Variants in TSN observed in about 807,000 individuals in gnomAD.
The protein encoded by TSN is translin.
TSN carries 5 observed loss-of-function variants against 29.4 expected under a neutral mutation model. The observed-to-expected ratio is 0.17, with a 90% CI of 0.09 to 0.36. The LOEUF (loss-of-function observed/expected upper bound fraction) is 0.36. Among genes scored for constraint, TSN ranks in the 10% least tolerant of loss-of-function variants. The probability of loss-of-function intolerance (pLI) is 1.00; values close to 1 mark genes in which losing one functional copy is unlikely to be tolerated. For missense variants in TSN, 159 were observed against 272.8 expected (o/e 0.58, Z 2.94); for synonymous variants, 106 against 102.2 (o/e 1.04, Z -0.23).
chr2:121,760,860 C>CT (rs1330094411), intron 3 of TSN, among the ~76,000 whole-genome samples: 1 of 144,830 alleles, frequency 6.9e-6, no homozygotes, highest in Non-Finnish European at 1.5e-5. Context: ...CTTCAGTTTT[C>CT]TTTTTTCTGT....
intron 5 of TSN, among the ~76,000 whole-genome samples, 169 bp from the exon 6 acceptor site, chr2:121,764,965 G>A (rs1342156021): frequency 6.6e-6 from 1 of 152,178 alleles, no homozygotes; most frequent in Non-Finnish European, 1.5e-5. Context: ...CATTTTCAGT[G>A]GGATTCTTTT....
chr2:121,757,796 A>C (rs2074771080), intron 2 of TSN, among the ~76,000 whole-genome samples: 1 of 151,472 alleles, frequency 6.6e-6, no homozygotes, highest in Non-Finnish European at 1.5e-5. Flanking sequence ...AGCTGGTGTT[A>C]CAGGTGCCCG....
At chr2:121,763,282 A>G (rs2074856478) in intron 5 of TSN, among the ~76,000 whole-genome samples, 198 bp downstream of exon 5, 1 of 151,796 alleles carries the variant, frequency 6.6e-6, no homozygotes, top group Admixed American at 6.6e-5. Flanking sequence ...AGCTGGGACT[A>G]CAGGCGCCCG....
At chr2:121,765,042 G>A in intron 5 of TSN, 92 bp from the exon 6 acceptor site, 1 of 1,191,134 alleles carries the variant, frequency 8.4e-7, no homozygotes, top group Middle Eastern at 2.1e-4. Context: ...TGGCTGTCTA[G>A]GCTTGCGGTT....
In TSN at chr2:121,763,313, T is replaced by C. The variant is rs557645469; in HGVS notation, c.453+229T>C. Among the ~76,000 whole-genome samples the C allele has an allele frequency of 4.1e-4, 62 of 152,018 alleles. No homozygotes were observed. In the South Asian group the frequency reaches 4.4e-3, roughly 11 times the overall value. ...GCCCGCCACCACACCCGGCTAATTTTTTTTTGTATTTTTAGTAGAGACGGG... is the reference window on the plus strand; with the variant it reads ...GCCCGCCACCACACCCGGCTAATTTCTTTTTGTATTTTTAGTAGAGACGGG... On this transcript the variant is annotated intron_variant, in intron 5 of 5. Transcript: ENST00000389682.
chr2:121,761,026 C>T (rs1172077757), intron 3 of TSN, among the ~76,000 whole-genome samples: 1 of 151,958 alleles, frequency 6.6e-6, no homozygotes, highest in Non-Finnish European at 1.5e-5. Flanking sequence ...CCTGCCACCA[C>T]GCCTGGCTAA....
intron 5 of TSN, among the ~76,000 whole-genome samples, chr2:121,763,571 A>T (rs1291103281): frequency 1.3e-5 from 2 of 152,160 alleles, no homozygotes. Context: ...CATCAGAGAA[A>T]AGCCAGATCA....
At chr2:121,757,371 A>G (rs765112096) in intron 2 of TSN, 38 bp downstream of exon 2, 1 of 1,613,168 alleles carries the variant, frequency 6.2e-7, no homozygotes. Flanking sequence ...TCAGTCTCTT[A>G]TTTAGAGGGA....
At chr2:121,762,179 A>C (rs1196231769) in intron 4 of TSN, among the ~76,000 whole-genome samples, 1 of 151,726 alleles carries the variant, frequency 6.6e-6, no homozygotes, top group East Asian at 1.9e-4. Flanking sequence ...TTTAGTAGAG[A>C]TGAGGTTTCT....
At chr2:121,759,822 G>A (rs550314723) in intron 3 of TSN, among the ~76,000 whole-genome samples, 1 of 152,244 alleles carries the variant, frequency 6.6e-6, no homozygotes, top group East Asian at 1.9e-4. Context: ...TTCTTTTAAG[G>A]GAGAGGTTGA....
intron 5 of TSN, among the ~76,000 whole-genome samples, chr2:121,763,468 A>T (rs1225306609): frequency 6.6e-6 from 1 of 152,030 alleles, no homozygotes; most frequent in Non-Finnish European, 1.5e-5. Context: ...TAAAATGGGT[A>T]CCAAAATTCA....
In TSN at chr2:121,767,569, C is replaced by G. The variant is rs1573395049; in HGVS notation, c.*2202C>G. ...TTACTTTTTTCCAATTTTAGAAAAT[C>G]AAGCAGGTTAGAGAAAATAGAGATG... On this transcript the variant is annotated 3_prime_UTR_variant, in exon 6 of 6. Transcript: ENST00000389682. 1 of 151,982 alleles carries G rather than the reference C, an allele frequency of 6.6e-6. No individual in the cohort carries two copies. Among genetic ancestry groups the G allele is most frequent in the East Asian group, 1.9e-4 (1 of 5,168 alleles). 9.4% of individuals were successfully genotyped at this position (151,982 alleles called of 1,614,324 possible).
chr2:121,766,925 A>G lies in TSN; in HGVS notation c.*1558A>G, dbSNP rs1056874942. The G allele has an allele frequency of 1.3e-5, 2 of 152,128 alleles. No individual in the cohort carries two copies. Among genetic ancestry groups the G allele is most frequent in the East Asian group, 3.8e-4 (2 of 5,198 alleles). The allele number at this position is 152,128 out of a possible 1,614,324, so 9.4% of individuals were successfully genotyped here. ...TACTGTGCATTGGGATTTTAGAACA[A>G]TTTTCTTGTGACAGCTCTTTTTGTG... On this transcript the variant is annotated 3_prime_UTR_variant, in exon 6 of 6. Transcript: ENST00000389682.
chr2:121,756,135 C>T (rs562430788), intron 1 of TSN: 2 of 507,184 alleles, frequency 3.9e-6, no homozygotes, highest in Admixed American at 3.4e-5. Flanking sequence ...ACCTGGTCTT[C>T]AGCGAATGAG....
At chr2:121,759,491 C>T (rs1214799467) in intron 3 of TSN, among the ~76,000 whole-genome samples, 1 of 152,054 alleles carries the variant, frequency 6.6e-6, no homozygotes, top group South Asian at 2.1e-4. Context: ...CCCTGTAACC[C>T]CAGCCACTTC....
intron 2 of TSN, chr2:121,757,618 T>G: frequency 7.4e-6 from 3 of 405,394 alleles, no homozygotes; most frequent in South Asian, 6.4e-5. Flanking sequence ...AGCACAGTAT[T>G]CTCAGGGTAA....
At chr2:121,758,675 G>T in intron 2 of TSN, 35 bp from the exon 3 acceptor site, 1 of 1,485,770 alleles carries the variant, frequency 6.7e-7, no homozygotes. Flanking sequence ...TTGAAATTTG[G>T]TTAAGTTTTT....
At chr2:121,762,827 A>C (rs2074850182) in intron 4 of TSN, among the ~76,000 whole-genome samples, 178 bp from the exon 5 acceptor site, 1 of 152,238 alleles carries the variant, frequency 6.6e-6, no homozygotes, top group East Asian at 1.9e-4. Context: ...AATTTTGCTT[A>C]AGAACTCAAA....
chr2:121,763,511 G>A (rs185858773), intron 5 of TSN, among the ~76,000 whole-genome samples: 54 of 152,120 alleles, frequency 3.5e-4, no homozygotes, highest in Admixed American at 5.2e-4. Flanking sequence ...GCCATCTCTC[G>A]GTCACCAGGT....
Sources: gnomAD v4.1 joint callset for allele counts (sites outside exome capture counted in the v4.1 genomes callset) on GRCh38, gnomAD v4.1.1 for gene constraint, MANE v1.5 for transcripts, NCBI Gene and HGNC (gene_info 2026-07-23, HGNC 2026-07-21) for gene names.